The following MCF2 variants were observed in gnomAD, a reference collection of about 807,000 sequenced individuals.
MCF2 encodes proto-oncogene DBL.
MCF2 carries 44 observed loss-of-function variants against 82.5 expected under a neutral mutation model. That is an observed-to-expected ratio of 0.53 (90% CI 0.42 to 0.69). The LOEUF is 0.69. Among genes scored for constraint, MCF2 ranks in the 30% least tolerant of loss-of-function variants. The pLI, the probability that MCF2 is intolerant of heterozygous loss-of-function variation, is 0.00. For synonymous variants in MCF2, 217 were observed against 224.9 expected, an observed-to-expected ratio of 0.96 and a Z score of 0.32; for missense variants, 623 against 663.1, an observed-to-expected ratio of 0.94 and a Z score of 0.66.
At chrX:139,596,766 T>C (rs2148415230) in exon 19 of MCF2, 1 of 1,194,343 alleles carries the variant, frequency 8.4e-7, no homozygotes, top group Non-Finnish European at 1.1e-6. Context: ...TTCATTTAAG[T>C]TTCCCTAGAA....
chrX:139,676,230 C>T (rs762324986), intron 1 of MCF2, among the ~76,000 whole-genome samples: 6 of 112,214 alleles, frequency 5.3e-5, no homozygotes, highest in South Asian at 3.7e-4. Context: ...CCGTCTATCA[C>T]GGCTTCCCTT....
At chrX:139,630,608 G>C (rs139060155) in intron 3 of MCF2, among the ~76,000 whole-genome samples, 74 of 112,413 alleles carry the variant, frequency 6.6e-4, no homozygotes, top group Non-Finnish European at 1.3e-3. Context: ...TGAATGAATT[G>C]TTGAATGAAT....
At chrX:139,678,431 T>C (rs146247682) in intron 1 of MCF2, among the ~76,000 whole-genome samples, 11 of 111,376 alleles carry the variant, frequency 9.9e-5, no homozygotes, top group African/African-American at 2.9e-4. Flanking sequence ...TAAAGCAAGA[T>C]GGAAGAAGCA....
chrX:139,653,115 C>T (rs972227661), intron 1 of MCF2, among the ~76,000 whole-genome samples: 38 of 111,901 alleles, frequency 3.4e-4, no homozygotes, highest in African/African-American at 1.2e-3. Flanking sequence ...CACATTTACA[C>T]TCGCAGTTAT....
At chrX:139,593,736 G>A (rs1321548275) in intron 19 of MCF2, among the ~76,000 whole-genome samples, 2 of 111,013 alleles carry the variant, frequency 1.8e-5, no homozygotes, top group African/African-American at 3.3e-5. Flanking sequence ...TTCAATATAC[G>A]CAAATCGATA....
chrX:139,589,412 T>G lies in MCF2; in HGVS notation c.2370+423A>C, dbSNP rs144900874. Among the ~76,000 whole-genome samples, 846 of 111,973 alleles carry G rather than the reference T, an allele frequency of 7.6e-3. 9 individuals carry two copies. Among genetic ancestry groups the G allele is most frequent in the African/African-American group, 0.027 (820 of 30,822 alleles). ...TGAAACATGTTGGACCCTATACAAC[T>G]GGCCAGGGCTTTAACCATGTTCTTT... On this transcript the variant is annotated intron_variant, in intron 20 of 24. Transcript: ENST00000370576.
exon 25 of MCF2, chrX:139,582,459 A>G (rs1251569615): frequency 8.3e-7 from 1 of 1,207,784 alleles, no homozygotes; most frequent in Admixed American, 2.2e-5. Context: ...GCCATTTGAC[A>G]TAGTAGCTTC....
intron 1 of MCF2, among the ~76,000 whole-genome samples, chrX:139,670,847 C>G (rs773585129): frequency 8.9e-6 from 1 of 111,809 alleles, no homozygotes; most frequent in East Asian, 2.8e-4. Flanking sequence ...ATTGCTGGGT[C>G]AAATGGTATT....
At chrX:139,606,155 T>A (rs1389563705) in intron 12 of MCF2, among the ~76,000 whole-genome samples, 1 of 108,521 alleles carries the variant, frequency 9.2e-6, no homozygotes, top group East Asian at 2.9e-4. Flanking sequence ...CAATAACTAT[T>A]CCTAAATGTC....
At chrX:139,625,668 C>T (rs1932727109) in intron 6 of MCF2, among the ~76,000 whole-genome samples, 1 of 111,620 alleles carries the variant, frequency 9.0e-6, no homozygotes, top group Non-Finnish European at 1.9e-5. Flanking sequence ...GCATCTTGAC[C>T]ATATATGATG....
At chrX:139,671,555 A>G (rs1481888325) in intron 1 of MCF2, among the ~76,000 whole-genome samples, 4 of 111,479 alleles carry the variant, frequency 3.6e-5, no homozygotes, top group African/African-American at 9.8e-5. Flanking sequence ...TCCCAGCACC[A>G]TTTATTAAAT....
upstream of MCF2, among the ~76,000 whole-genome samples, chrX:139,647,713 G>T (rs1429447486): frequency 1.8e-5 from 2 of 111,507 alleles, no homozygotes; most frequent in Non-Finnish European, 3.8e-5. Context: ...GATTGCACCA[G>T]CTCTGGGCTT....
At chrX:139,642,642 T>C in exon 1 of MCF2, 2 of 1,173,646 alleles carry the variant, frequency 1.7e-6, no homozygotes, top group South Asian at 3.8e-5. Context: ...AAAGCTGCCG[T>C]GGCTGCTTCC....
chrX:139,619,614 T>C, exon 7 of MCF2: 1 of 1,156,894 alleles, frequency 8.6e-7, no homozygotes, highest in Non-Finnish European at 1.2e-6. Flanking sequence ...AGTTTTCCAA[T>C]TTTTTTATTT....
At chrX:139,692,540 A>C (rs1301284952) in intron 1 of MCF2, among the ~76,000 whole-genome samples, 1 of 111,878 alleles carries the variant, frequency 8.9e-6, no homozygotes, top group Non-Finnish European at 1.9e-5. Flanking sequence ...GGACGCAAGG[A>C]GCTAAAAGAG....
At chrX:139,677,976 G>A (rs4994068) in intron 1 of MCF2, among the ~76,000 whole-genome samples, 5,389 of 110,887 alleles carry the variant, frequency 0.049, 324 homozygotes, top group African/African-American at 0.17. Context: ...CAGCTGGGCC[G>A]ACACAGTGAA....
intron 1 of MCF2, among the ~76,000 whole-genome samples, chrX:139,653,053 A>C (rs1249692044): frequency 8.9e-6 from 1 of 112,196 alleles, no homozygotes; most frequent in African/African-American, 3.2e-5. Flanking sequence ...TTTCTTAAAA[A>C]TGTCTTGTAA....
chrX:139,605,598 A>G, intron 13 of MCF2, 115 bp downstream of exon 17: 1 of 578,349 alleles, frequency 1.7e-6, no homozygotes, highest in Non-Finnish European at 2.7e-6. Context: ...CACTGCTGCC[A>G]TATGACAACC....
chrX:139,656,616 G>T (rs1934208701), intron 1 of MCF2, among the ~76,000 whole-genome samples: 1 of 112,028 alleles, frequency 8.9e-6, no homozygotes, highest in Non-Finnish European at 1.9e-5. Flanking sequence ...GACAACAGAA[G>T]ACACACAGTT....
Sources: allele counts gnomAD v4.1 joint callset (sites outside exome capture counted in the v4.1 genomes callset), GRCh38; gene constraint gnomAD v4.1.1; transcripts MANE v1.5; gene names NCBI Gene and HGNC (gene_info 2026-07-23, HGNC 2026-07-21).